The following TRPV1 variants were observed in gnomAD, a reference collection of about 807,000 sequenced individuals.
TRPV1 encodes transient receptor potential cation channel subfamily V member 1.
Under a neutral mutation model 82.3 loss-of-function variants are expected in TRPV1, and 82 were observed. The ratio of observed to expected loss-of-function variants is 1.00; its 90% CI spans 0.83 to 1.20. The LOEUF (loss-of-function observed/expected upper bound fraction) is 1.20. Among genes scored for constraint, TRPV1 ranks in the 50% most tolerant of loss-of-function variants. TRPV1 has a pLI of 0.00. For missense variants in TRPV1, 1,067 were observed against 1,096.8 expected (o/e 0.97, Z 0.38); for synonymous variants, 515 against 467.7 (o/e 1.10, Z -1.30).
At chr17:3,567,114 T>C in intron 16 of TRPV1, 127 bp from the exon 17 acceptor site, 1 of 1,104,522 alleles carries the variant, frequency 9.1e-7, no homozygotes, top group Non-Finnish European at 1.3e-6. Flanking sequence ...TCCCAGCACT[T>C]TGGGAGGCCG....
chr17:3,607,864 C>CT (rs2075307743), intron 2 of TRPV1, among the ~76,000 whole-genome samples: 2 of 152,090 alleles, frequency 1.3e-5, no homozygotes, highest in South Asian at 4.1e-4. Context: ...ACAATACACT[C>CT]TAATAAAAGT....
At chr17:3,572,853 G>T (rs947964552) in intron 14 of TRPV1, among the ~76,000 whole-genome samples, 6 of 152,036 alleles carry the variant, frequency 3.9e-5, no homozygotes, top group African/African-American at 1.2e-4. Flanking sequence ...TGTGGTGGTG[G>T]GTGCCTGCAA....
In TRPV1 at chr17:3,591,036, G is replaced by A. The variant is rs760043276; in HGVS notation, c.532C>T (p.Leu178=). The A allele has an allele frequency of 8.1e-6, 13 of 1,612,788 alleles. No individual in the cohort carries two copies. Among genetic ancestry groups the A allele is most frequent in the Non-Finnish European group, 8.5e-7 (1 of 1,179,502 alleles). Residue 178 remains leucine (L), a synonymous_variant, in exon 5 of 17, where the codon CTG becomes TTG. Coordinates refer to ENST00000572705, the MANE Select transcript of TRPV1 (RefSeq NM_080704.4). ...CTGTCCGTTTGCCGCGCGATCTCCA[G>A]GAGCAGGGGGATGGTGGTGTTCTGT... ...DGQNTTIPLL[L]EIARQTDSLK...
In TRPV1 at chr17:3,592,259, G is replaced by A. The variant is rs2075169063; in HGVS notation, c.92C>T (p.Ser31Phe). 1 of 1,608,702 alleles carries A rather than the reference G, an allele frequency of 6.2e-7. No individual in the cohort carries two copies. The highest frequency in any genetic ancestry group is 1.3e-5 in the African/African-American group (1 of 74,848). The change falls in exon 3 of 17, where the codon TCC becomes TTC. Residue 31 changes from serine to phenylalanine, a missense_variant. By Grantham distance (155) the Ser-to-Phe change is radical. Coordinates refer to ENST00000572705, the MANE Select transcript of TRPV1 (RefSeq NM_080704.4). ...CTGGGGCTTGGCTGGAGGTGGCCTG[G>A]AGTTAGGGTCTCCATCCAGGGGGTC... ...CPDPLDGDPN[S>F]RPPPAKPQLS... is the part of the protein sequence containing the mutation.
intron 2 of TRPV1, among the ~76,000 whole-genome samples, chr17:3,598,332 C>T (rs968981682): frequency 3.9e-5 from 6 of 152,172 alleles, no homozygotes; most frequent in African/African-American, 9.7e-5. Context: ...CCATCAATTC[C>T]GCACAGCAGT....
chr17:3,579,771 C>T (rs544063130), intron 11 of TRPV1, among the ~76,000 whole-genome samples: 5 of 152,324 alleles, frequency 3.3e-5, no homozygotes, highest in South Asian at 2.1e-4. Context: ...CCACTGCGCC[C>T]GGCCATCCAA....
At chr17:3,606,700 G>T (rs549474063) in intron 2 of TRPV1, among the ~76,000 whole-genome samples, 2 of 152,118 alleles carry the variant, frequency 1.3e-5, no homozygotes, top group African/African-American at 4.8e-5. Flanking sequence ...CTCAGGCAAC[G>T]GAAGCAGCAG....
chr17:3,581,800 ACT>A (rs2075017000), intron 10 of TRPV1, among the ~76,000 whole-genome samples: 4 of 141,692 alleles, frequency 2.8e-5, no homozygotes, highest in Non-Finnish European at 3.1e-5. Context: ...CAGGAGAATC[ACT>A]TGAACCCAGG....
chr17:3,580,449 T>A lies in TRPV1; in HGVS notation c.1547+8A>T. 1 of 1,613,952 alleles carries A rather than the reference T, an allele frequency of 6.2e-7. No homozygotes were observed. Among genetic ancestry groups the A allele is most frequent in the Non-Finnish European group, 8.5e-7 (1 of 1,179,892 alleles). On this transcript the variant is annotated splice_region_variant and intron_variant, in intron 11 of 16. Coordinates refer to ENST00000572705, the MANE Select transcript of TRPV1 (RefSeq NM_080704.4). ...ACTGGACTGGGAATGAGTCAAAGTG[T>A]CACTTACAAAAGCATCTCACTGTAG... is the stretch of plus-strand genomic sequence containing the variant.
In TRPV1 at chr17:3,594,131, A is replaced by AC. The variant is rs2075194534; in HGVS notation, c.-33-1749_-33-1748insG. ...CAACAGAGTGAAACTCTGTCTCAAAAAAAAAAAAAAAAAAAAAAAAAGAAG... is the reference window on the plus strand; with the variant it reads ...CAACAGAGTGAAACTCTGTCTCAAAACAAAAAAAAAAAAAAAAAAAAAGAAG... On this transcript the variant is annotated intron_variant, in intron 2 of 16. Transcript: ENST00000572705. 4.2e-5 allele frequency among the ~76,000 whole-genome samples: 5 copies of AC among 117,698 alleles called. No individual in the cohort carries two copies. In the East Asian group the frequency reaches 8.3e-4, roughly 19 times the overall value. 77.2% of individuals were successfully genotyped at this position (117,698 alleles called of 152,430 possible).
At chr17:3,589,090 T>C (rs1048219067) in intron 7 of TRPV1, 3 of 861,288 alleles carry the variant, frequency 3.5e-6, no homozygotes, top group African/African-American at 1.7e-5. Flanking sequence ...GCTGGAGGCC[T>C]GTCACCAGGA....
chr17:3,597,097 G>C (rs747501142), intron 2 of TRPV1: 1 of 152,406 alleles, frequency 6.6e-6, no homozygotes, highest in Non-Finnish European at 1.5e-5. Context: ...GACGCCCTTC[G>C]GCACTCAAGG....
At chr17:3,582,978 G>T (rs187862820) in intron 10 of TRPV1, among the ~76,000 whole-genome samples, 1 of 151,424 alleles carries the variant, frequency 6.6e-6, no homozygotes, top group Non-Finnish European at 1.5e-5. Flanking sequence ...CAGTATGCAA[G>T]GAGATTTCCT....
chr17:3,573,874 CAGGCA>C lies in TRPV1; in HGVS notation c.1857_1861del (p.Ala620GlnfsTer5), dbSNP rs2074893971. 6.2e-7 allele frequency: 1 copy of C among 1,608,658 alleles called. No individual in the cohort carries two copies. Among genetic ancestry groups the C allele is most frequent in the African/African-American group, 1.3e-5 (1 of 74,606 alleles). On this transcript the variant is annotated frameshift_variant, in exon 14 of 17. Transcript: ENST00000572705. LOFTEE classifies it high-confidence loss of function. ...GTTGTAGGAGCTATCGGGGGGCCTG[CAGGCA>C]GGCCCCCGCCACCTGTGCGACGTGG... is the stretch of plus-strand genomic sequence containing the variant.
chr17:3,602,794 ATTTCT>A (rs973430398), intron 2 of TRPV1, among the ~76,000 whole-genome samples: 1 of 152,076 alleles, frequency 6.6e-6, no homozygotes, highest in African/African-American at 2.4e-5. Context: ...TCGGAGACAA[ATTTCT>A]TTTCTTCACT....
At chr17:3,606,276 G>A (rs916057253) in intron 2 of TRPV1, among the ~76,000 whole-genome samples, 4 of 152,092 alleles carry the variant, frequency 2.6e-5, no homozygotes, top group Non-Finnish European at 5.9e-5. Context: ...TTACTTCTCT[G>A]TCCCACTGCA....
intron 2 of TRPV1, among the ~76,000 whole-genome samples, chr17:3,605,281 G>A (rs1487898116): frequency 1.3e-5 from 2 of 152,074 alleles, no homozygotes; most frequent in African/African-American, 4.8e-5. Context: ...GGCCGAGGTG[G>A]GTGGATCACT....
rs374202398 is a variant in TRPV1 at position 3,589,308 on chromosome 17, G to C, written c.1044+499C>G. On this transcript the variant is annotated intron_variant, in intron 7 of 16. Transcript: ENST00000572705. ...TGCCACCTCCGCCTCCCAAGTTCAAGTGATGTTTGTGCCTCAGCCTCCTGA... is the reference window on the plus strand; with the variant it reads ...TGCCACCTCCGCCTCCCAAGTTCAACTGATGTTTGTGCCTCAGCCTCCTGA... 8.4e-4 allele frequency among the ~76,000 whole-genome samples: 126 copies of C among 150,226 alleles called. 2 individuals carry two copies. Among genetic ancestry groups the C allele is most frequent in the African/African-American group, 2.9e-3 (119 of 40,880 alleles).
intron 2 of TRPV1, among the ~76,000 whole-genome samples, chr17:3,600,450 G>T (rs555871622): frequency 6.6e-6 from 1 of 152,216 alleles, no homozygotes; most frequent in African/African-American, 2.4e-5. Flanking sequence ...TTAGCTGGGC[G>T]TGGTGGTGCA....
Sources: allele counts gnomAD v4.1 joint callset (sites outside exome capture counted in the v4.1 genomes callset), GRCh38; gene constraint gnomAD v4.1.1; transcripts MANE v1.5; gene names NCBI Gene and HGNC (gene_info 2026-07-23, HGNC 2026-07-21).